Variants in GBF1 observed in about 807,000 individuals in gnomAD.
GBF1 encodes the protein Golgi-specific brefeldin A-resistance guanine nucleotide exchange factor 1.
A neutral mutation model predicts 210.5 loss-of-function variants in GBF1; 114 were observed. The ratio of observed to expected loss-of-function variants is 0.54; its 90% CI spans 0.47 to 0.63. GBF1 has a LOEUF of 0.63. Ranked by LOEUF, GBF1 falls within the 30% of genes least tolerant of loss-of-function variation. The pLI, the probability that GBF1 is intolerant of heterozygous loss-of-function variation, is 0.00. For missense variants in GBF1, 1,851 were observed against 2,357.7 expected, an observed-to-expected ratio of 0.79 and a Z score of 4.45; for synonymous variants, 850 against 889.2, an observed-to-expected ratio of 0.96 and a Z score of 0.78.
intron 8 of GBF1, among the ~76,000 whole-genome samples, chr10:102,357,191 G>T (rs1024544271): frequency 6.6e-6 from 1 of 152,042 alleles, no homozygotes; most frequent in African/African-American, 2.4e-5. Flanking sequence ...ATTCCAGAGA[G>T]TAAGAGATAT....
rs1445431520 is a variant in GBF1 at position 102,361,128 on chromosome 10, T to C, written c.1491+8T>C. ...CTCAAGTTCCAAATGGAGGTGAGTT[T>C]CTTGATGTGGAAAGAAAAGGGGGAA... On this transcript the variant is annotated splice_region_variant and intron_variant, in intron 13 of 39. Coordinates refer to ENST00000369983, the MANE Select transcript of GBF1 (RefSeq NM_001377137.1). 1.4e-6 allele frequency: 2 copies of C among 1,443,504 alleles called. No individual in the cohort carries two copies. Among genetic ancestry groups the C allele is most frequent in the East Asian group, 4.5e-5 (2 of 44,152 alleles). The allele number at this position is 1,443,504 out of a possible 1,614,324, so 89.4% of individuals were successfully genotyped here.
chr10:102,339,145 C>T (rs2057992090), intron 3 of GBF1, among the ~76,000 whole-genome samples: 1 of 152,060 alleles, frequency 6.6e-6, no homozygotes, highest in African/African-American at 2.4e-5. Context: ...GGTGGATCAC[C>T]TGAGGTCAGG....
At chr10:102,269,189 A>G (rs908294448) in intron 3 of GBF1, among the ~76,000 whole-genome samples, 64 of 152,210 alleles carry the variant, frequency 4.2e-4, no homozygotes, top group African/African-American at 1.4e-3. Context: ...GGGCTGCCAC[A>G]TGTGCACAGA....
intron 3 of GBF1, among the ~76,000 whole-genome samples, chr10:102,291,973 T>A (rs1397555929): frequency 2.7e-5 from 4 of 147,988 alleles, no homozygotes; most frequent in Admixed American, 1.4e-4. Context: ...CACTGCAAGC[T>A]CCACCTCTCG....
At chr10:102,316,232 G>A (rs1263236812) in intron 3 of GBF1, among the ~76,000 whole-genome samples, 2 of 151,762 alleles carry the variant, frequency 1.3e-5, no homozygotes, top group Non-Finnish European at 2.9e-5. Context: ...GATTACAAGC[G>A]TGTGCCACCA....
intron 1 of GBF1, among the ~76,000 whole-genome samples, chr10:102,251,973 G>A (rs2071594345): frequency 6.6e-6 from 1 of 151,912 alleles, no homozygotes; most frequent in Admixed American, 6.6e-5. Context: ...TCAGGAGTTT[G>A]AGACCAGGAG....
intron 3 of GBF1, among the ~76,000 whole-genome samples, chr10:102,268,333 A>T (rs559979321): frequency 6.6e-6 from 1 of 152,222 alleles, no homozygotes; most frequent in Non-Finnish European, 1.5e-5. Context: ...TGCATGTATC[A>T]GAAAAGGAAT....
chr10:102,328,323 G>A (rs571024386), intron 3 of GBF1, among the ~76,000 whole-genome samples: 39 of 152,122 alleles, frequency 2.6e-4, no homozygotes, highest in Middle Eastern at 3.4e-3. Flanking sequence ...GCAGGACCTC[G>A]TCTCTACAAA....
At chr10:102,246,995 C>T (rs1428222551) in intron 1 of GBF1, among the ~76,000 whole-genome samples, 1 of 152,142 alleles carries the variant, frequency 6.6e-6, no homozygotes, top group Non-Finnish European at 1.5e-5. Flanking sequence ...CAACCTAATA[C>T]CTTTTGGTAT....
At chr10:102,241,296 C>G (rs2070529860), upstream of GBF1, 1 of 152,658 alleles carries the variant, frequency 6.6e-6, no homozygotes, top group South Asian at 2.1e-4. The surrounding 1 kb of genome is among the most constrained non-coding windows in gnomAD (Gnocchi z 6.7). Flanking sequence ...CTCCTCGGCC[C>G]CATGAGCCCC....
At chr10:102,324,059 A>G (rs899630812) in intron 3 of GBF1, among the ~76,000 whole-genome samples, 1 of 152,128 alleles carries the variant, frequency 6.6e-6, no homozygotes, top group Non-Finnish European at 1.5e-5. Context: ...AAAAGAGAGT[A>G]TTATTCCTTT....
intron 3 of GBF1, among the ~76,000 whole-genome samples, chr10:102,343,464 T>C (rs1486329327): frequency 2.0e-5 from 3 of 152,188 alleles, no homozygotes; most frequent in African/African-American, 7.2e-5. Context: ...TTTTTAAAAA[T>C]TGTGATAAAA....
At chr10:102,341,157 A>G (rs1377950307) in intron 3 of GBF1, among the ~76,000 whole-genome samples, 1 of 152,260 alleles carries the variant, frequency 6.6e-6, no homozygotes, top group Non-Finnish European at 1.5e-5. Context: ...TTGAGCAGAC[A>G]TGTCACCCAA....
intron 3 of GBF1, among the ~76,000 whole-genome samples, chr10:102,310,804 TC>T (rs1274497487): frequency 1.3e-5 from 2 of 152,266 alleles, no homozygotes; most frequent in African/African-American, 4.8e-5. Context: ...GATAATAGGT[TC>T]CAGGAAGTTC....
At chr10:102,377,554 C>T (rs888916720) in intron 33 of GBF1, among the ~76,000 whole-genome samples, 3 of 152,040 alleles carry the variant, frequency 2.0e-5, no homozygotes, top group African/African-American at 7.2e-5. Flanking sequence ...GGGGTTTCAC[C>T]ATGTTGGCCA....
chr10:102,341,722 T>G (rs1374755433), intron 3 of GBF1, among the ~76,000 whole-genome samples: 1 of 152,192 alleles, frequency 6.6e-6, no homozygotes, highest in Non-Finnish European at 1.5e-5. Context: ...TATAAATCAT[T>G]CATTTAAAGA....
intron 3 of GBF1, among the ~76,000 whole-genome samples, chr10:102,292,275 C>A (rs1477759137): frequency 6.6e-6 from 1 of 151,718 alleles, no homozygotes. Flanking sequence ...TCTGGAATCT[C>A]TGGGACAAAC....
At position 102,375,398 on chromosome 10, in the gene GBF1, A is replaced by C. The variant is rs376923353; in HGVS notation, c.3700A>C (p.Ser1234Arg). 1.9e-5 allele frequency: 30 copies of C among 1,613,666 alleles called. No individual in the cohort carries two copies. The highest frequency in any genetic ancestry group is 2.5e-5 in the Non-Finnish European group (29 of 1,179,746). Residue 1234 changes from serine (S) to arginine (R), a missense_variant, in exon 30 of 40, where the codon AGT (serine) becomes CGT (arginine). This residue lies in a region of GBF1 where 967 missense variants were observed against 1,247.7 expected (regional missense o/e 0.78). Coordinates refer to ENST00000369983, the MANE Select transcript of GBF1 (RefSeq NM_001377137.1). ...SLRILLLMKP[S>R]VLSRVSHQVA... ...GCGCATTTTGCTACTGATGAAGCCC[A>C]GTGTGCTATCCCGAGTCAGCCACCA... is the stretch of plus-strand genomic sequence containing the variant.
At chr10:102,374,768 A>G (rs1403018320) in intron 29 of GBF1, among the ~76,000 whole-genome samples, 2 of 152,254 alleles carry the variant, frequency 1.3e-5, no homozygotes, top group African/African-American at 2.4e-5. Context: ...ATATTATACT[A>G]TAGTTTTGCA....
Sources: gnomAD v4.1 joint callset for allele counts (sites outside exome capture counted in the v4.1 genomes callset) on GRCh38, gnomAD v4.1.1 for gene constraint, gnomAD v4.1.1 regional missense constraint, Gnocchi (gnomAD v3.1) non-coding constraint, MANE v1.5 for transcripts, NCBI Gene and HGNC (gene_info 2026-07-23, HGNC 2026-07-21) for gene names.